Variants in ZNF407 observed in about 807,000 individuals in gnomAD.
ZNF407 encodes the protein zinc finger protein 407.
Under a neutral mutation model 131.2 loss-of-function variants are expected in ZNF407, and 17 were observed. The observed-to-expected ratio is 0.13, with a 90% CI of 0.09 to 0.19. The LOEUF (loss-of-function observed/expected upper bound fraction) is 0.19. Among genes scored for constraint, ZNF407 ranks in the 10% least tolerant of loss-of-function variants. ZNF407 has a pLI of 1.00. For synonymous variants in ZNF407, 1,156 were observed against 1,062.0 expected (o/e 1.09, Z -1.72); for missense variants, 2,681 against 2,830.6 (o/e 0.95, Z 1.20).
Position 74,912,632 on chromosome 18 carries a change from A to G in ZNF407, c.5250-7882A>G, listed in dbSNP as rs577187248. Among the ~76,000 whole-genome samples the G allele has an allele frequency of 3.3e-5, 5 of 152,356 alleles. No homozygotes were observed. In the South Asian group the frequency reaches 1.0e-3, roughly 32 times the overall value. On this transcript the variant is annotated intron_variant, in intron 7 of 8. Transcript: ENST00000299687. Reference sequence around the variant, plus strand: ...TGTAGGTTGATTTTGAATCAAATCTAGTATTTAATGTGATATAACGCAACT... The same window carrying G: ...TGTAGGTTGATTTTGAATCAAATCTGGTATTTAATGTGATATAACGCAACT...
At chr18:74,797,791 A>AT (rs1242617571) in intron 4 of ZNF407, among the ~76,000 whole-genome samples, 1 of 151,790 alleles carries the variant, frequency 6.6e-6, no homozygotes, top group African/African-American at 2.4e-5. Flanking sequence ...TGAAGTGCTT[A>AT]TGAGTTAATT....
At chr18:74,913,602 A>T (rs1971704738) in intron 7 of ZNF407, among the ~76,000 whole-genome samples, 1 of 152,238 alleles carries the variant, frequency 6.6e-6, no homozygotes, top group Admixed American at 6.5e-5. Flanking sequence ...ATTGAGAAGA[A>T]GTTAGGGATT....
chr18:74,696,340 A>G (rs931374797), intron 3 of ZNF407, among the ~76,000 whole-genome samples: 1 of 152,238 alleles, frequency 6.6e-6, no homozygotes. Flanking sequence ...AATAATAAAC[A>G]AATGCATACT....
chr18:74,652,571 G>A (rs942995944), intron 3 of ZNF407, among the ~76,000 whole-genome samples: 4 of 152,090 alleles, frequency 2.6e-5, no homozygotes, highest in African/African-American at 9.6e-5. Context: ...TGAAGGACCA[G>A]CAGAGGGCAA....
chr18:74,829,454 C>G (rs982881615), intron 4 of ZNF407, among the ~76,000 whole-genome samples: 1 of 152,182 alleles, frequency 6.6e-6, no homozygotes, highest in Admixed American at 6.5e-5. Flanking sequence ...AGAGCAACTC[C>G]TGGATCTCGA....
chr18:74,617,085 A>C (rs1599132844), intron 1 of ZNF407, among the ~76,000 whole-genome samples: 18 of 73,104 alleles, frequency 2.5e-4, no homozygotes, highest in Admixed American at 5.2e-4. Flanking sequence ...ACACATCCAT[A>C]TCCATGCACC....
At chr18:74,913,096 T>C (rs1026019762) in intron 7 of ZNF407, among the ~76,000 whole-genome samples, 1 of 152,168 alleles carries the variant, frequency 6.6e-6, no homozygotes, top group Non-Finnish European at 1.5e-5. Context: ...AGGCTCAGGC[T>C]CTGAAACATT....
In ZNF407 at chr18:74,633,287, C is replaced by A; in HGVS notation, c.2268C>A (p.Ser756Arg). The A allele has an allele frequency of 6.2e-7, 1 of 1,612,382 alleles. No individual in the cohort carries two copies. The highest frequency in any genetic ancestry group is 2.2e-5 in the East Asian group (1 of 44,882). ...KEGMEKHIKR[S>R]KHLENAKKNN... ...GAATGGAGAAACACATTAAAAGAAGCAAGCATCTTGAAAATGCTAAGAAAA... is the reference window on the plus strand; with the variant it reads ...GAATGGAGAAACACATTAAAAGAAGAAAGCATCTTGAAAATGCTAAGAAAA... The change falls in exon 2 of 9, where the codon AGC (serine) becomes AGA (arginine). Residue 756 changes from serine (S) to arginine (R), a missense_variant. By Grantham distance (110) the Ser-to-Arg change is moderately radical. Transcript: ENST00000299687.
chr18:74,597,989 C>T (rs1982366705), intron 1 of ZNF407, 52 bp downstream of exon 1: 1 of 152,360 alleles, frequency 6.6e-6, no homozygotes, highest in Non-Finnish European at 1.5e-5. Context: ...GACCGTCCAG[C>T]GTCAGCGCGG....
chr18:74,751,708 T>C (rs1968808021), intron 3 of ZNF407, among the ~76,000 whole-genome samples: 1 of 152,230 alleles, frequency 6.6e-6, no homozygotes, highest in South Asian at 2.1e-4. Context: ...GAACTCATCC[T>C]TTTTATGGCC....
intron 3 of ZNF407, among the ~76,000 whole-genome samples, chr18:74,767,005 A>G (rs1969248637): frequency 6.6e-6 from 1 of 152,122 alleles, no homozygotes; most frequent in Non-Finnish European, 1.5e-5. Flanking sequence ...TCCGTCTGCC[A>G]GCTTCAAGCG....
intron 3 of ZNF407, among the ~76,000 whole-genome samples, chr18:74,757,881 C>G (rs1049121109): frequency 3.7e-4 from 56 of 152,078 alleles, no homozygotes; most frequent in African/African-American, 1.3e-3. Context: ...AATGTTCTCC[C>G]CCGTTTTTTG....
chr18:74,680,919 C>A (rs569775948), intron 3 of ZNF407, among the ~76,000 whole-genome samples: 26 of 152,302 alleles, frequency 1.7e-4, no homozygotes, highest in Non-Finnish European at 3.1e-4. Flanking sequence ...ATAGTATAAA[C>A]TGTATAAAAT....
intron 1 of ZNF407, among the ~76,000 whole-genome samples, chr18:74,613,293 C>T (rs995500632): frequency 4.6e-5 from 7 of 152,012 alleles, no homozygotes; most frequent in African/African-American, 1.7e-4. Flanking sequence ...TATTATGGGA[C>T]TTTTTCTTAG....
chr18:74,919,966 A>G (rs944601670), intron 7 of ZNF407, among the ~76,000 whole-genome samples: 4 of 152,200 alleles, frequency 2.6e-5, no homozygotes, highest in African/African-American at 9.7e-5. Flanking sequence ...AAAAGCCTGT[A>G]TCATCACAGA....
At chr18:74,766,009 C>CTGTGTGTG (rs58103313) in intron 3 of ZNF407, among the ~76,000 whole-genome samples, 1 of 148,100 alleles carries the variant, frequency 6.8e-6, no homozygotes, top group African/African-American at 2.5e-5. Flanking sequence ...GCATATTACT[C>CTGTGTGTG]TGTGTGTGTG....
intron 1 of ZNF407, among the ~76,000 whole-genome samples, chr18:74,626,509 C>T (rs117195035): frequency 0.028 from 4,328 of 152,234 alleles, 81 homozygotes; most frequent in South Asian, 0.055. Context: ...ATGTGACTCC[C>T]GCAGAATATT....
intron 3 of ZNF407, among the ~76,000 whole-genome samples, chr18:74,771,794 GT>G (rs1161812887): frequency 6.6e-6 from 1 of 151,182 alleles, no homozygotes; most frequent in South Asian, 2.1e-4. Context: ...TTAATTTTTA[GT>G]TTTTCTCTTC....
chr18:74,646,778 T>C (rs560264546), intron 3 of ZNF407, among the ~76,000 whole-genome samples: 1 of 152,306 alleles, frequency 6.6e-6, no homozygotes, highest in South Asian at 2.1e-4. Context: ...AGTGAACTGT[T>C]TGGTGAAGCC....
Sources: gnomAD v4.1 joint callset for allele counts (sites outside exome capture counted in the v4.1 genomes callset) on GRCh38, gnomAD v4.1.1 for gene constraint, MANE v1.5 for transcripts, NCBI Gene and HGNC (gene_info 2026-07-23, HGNC 2026-07-21) for gene names.